PSD3: variants seen among roughly 807,000 people sequenced by gnomAD.
The protein encoded by PSD3 is pleckstrin and Sec7 domain containing 3.
In PSD3, 49 loss-of-function variants were observed where a neutral mutation model predicts 105.5. That is an observed-to-expected ratio of 0.46 (90% confidence interval 0.37 to 0.59). The LOEUF (loss-of-function observed/expected upper bound fraction) is 0.59, where lower values mean the gene tolerates loss of function less well. Among genes scored for constraint, PSD3 ranks in the 20% least tolerant of loss-of-function variants. The pLI, the probability that PSD3 is intolerant of heterozygous loss-of-function variation, is 0.00. For synonymous variants in PSD3, 557 were observed against 457.8 expected (o/e 1.22, Z -2.77); for missense variants, 1,561 against 1,263.8 (o/e 1.24, Z -3.57).
chr8:18,838,847 T>G (rs1296687334), intron 4 of PSD3, among the ~76,000 whole-genome samples: 1 of 146,256 alleles, frequency 6.8e-6, no homozygotes, highest in Non-Finnish European at 1.5e-5. Flanking sequence ...ATAATAATAA[T>G]AATGTTCAAG....
intron 14 of PSD3, among the ~76,000 whole-genome samples, chr8:18,561,701 T>A (rs1683159947): frequency 6.6e-6 from 1 of 152,108 alleles, no homozygotes. Context: ...GTTAAAAAAA[T>A]ATTTAATTTT....
intron 9 of PSD3, among the ~76,000 whole-genome samples, chr8:18,741,910 C>A (rs1157297433): frequency 6.7e-6 from 1 of 149,584 alleles, no homozygotes; most frequent in African/African-American, 2.5e-5. Flanking sequence ...AAAAGTACAA[C>A]TGAAATGAGA....
At chr8:18,944,840 T>C (rs1352592860) in intron 1 of PSD3, among the ~76,000 whole-genome samples, 2 of 152,236 alleles carry the variant, frequency 1.3e-5, no homozygotes, top group Non-Finnish European at 2.9e-5. Context: ...TCTGTGTCTT[T>C]TGACCTGTCC....
intron 9 of PSD3, among the ~76,000 whole-genome samples, chr8:18,738,822 C>T (rs4515594): frequency 0.62 from 92,346 of 149,832 alleles, 33,212 homozygotes; most frequent in Non-Finnish European, 0.81. Context: ...ACACCCGCTC[C>T]GAAAAAAAAA....
At chr8:18,732,440 T>C (rs1184714824) in intron 9 of PSD3, among the ~76,000 whole-genome samples, 1 of 152,218 alleles carries the variant, frequency 6.6e-6, no homozygotes, top group Non-Finnish European at 1.5e-5. Context: ...TCTGCACAAG[T>C]GCAGTCTGGG....
At chr8:18,641,376 T>C (rs77233779) in intron 10 of PSD3, among the ~76,000 whole-genome samples, 208 of 152,232 alleles carry the variant, frequency 1.4e-3, no homozygotes, top group African/African-American at 4.4e-3. Flanking sequence ...CCTGATATCA[T>C]GATGATTAAG....
At chr8:18,709,889 A>G (rs1018633047) in intron 9 of PSD3, among the ~76,000 whole-genome samples, 1 of 152,236 alleles carries the variant, frequency 6.6e-6, no homozygotes, top group African/African-American at 2.4e-5. Context: ...ATTAGAAAGA[A>G]TCAAAGAAAA....
At chr8:18,721,312 C>T (rs1279130948) in intron 9 of PSD3, 1 of 69,910 alleles carries the variant, frequency 1.4e-5, no homozygotes, top group African/African-American at 2.9e-5. Flanking sequence ...GGGGAAGGCA[C>T]CCAGGGGTGC....
chr8:18,582,707 C>T (rs369532648), intron 12 of PSD3, among the ~76,000 whole-genome samples: 17 of 151,934 alleles, frequency 1.1e-4, no homozygotes, highest in African/African-American at 3.4e-4. Context: ...CCAAGTAGAG[C>T]TATGTTTCCC....
At chr8:18,843,325 T>A (rs1178227451) in intron 4 of PSD3, among the ~76,000 whole-genome samples, 1 of 128,794 alleles carries the variant, frequency 7.8e-6, no homozygotes, top group Non-Finnish European at 1.6e-5. Flanking sequence ...CGCACGAGAC[T>A]CCGTCTCAAA....
Position 18,607,127 on chromosome 8 carries a change from T to G in PSD3, c.2411-6693A>C, listed in dbSNP as rs183724995. On this transcript the variant is annotated intron_variant, in intron 11 of 15. Coordinates refer to ENST00000327040, the MANE Select transcript of PSD3 (RefSeq NM_015310.4). ...TGGGCACTGAAGGCAGGAAGAGAGA[T>G]GATGAGATAAGAGGGAAATATAACC... Among the ~76,000 whole-genome samples, 115 of 152,240 alleles carry G rather than the reference T, an allele frequency of 7.6e-4. 1 individual carries two copies. The highest frequency in any genetic ancestry group is 2.6e-3 in the African/African-American group (108 of 41,532).
chr8:18,943,674 C>G (rs1032121009), intron 1 of PSD3, among the ~76,000 whole-genome samples: 3 of 152,044 alleles, frequency 2.0e-5, no homozygotes, highest in Non-Finnish European at 2.9e-5. Flanking sequence ...ATCCCTGCCT[C>G]CACTACACTG....
intron 4 of PSD3, among the ~76,000 whole-genome samples, chr8:18,847,037 G>C (rs548710636): frequency 1.9e-4 from 29 of 152,204 alleles, no homozygotes; most frequent in African/African-American, 6.7e-4. Flanking sequence ...CCCATGTCCT[G>C]GATAAGCAAG....
At chr8:18,663,726 G>A (rs752985659) in intron 9 of PSD3, among the ~76,000 whole-genome samples, 1 of 152,192 alleles carries the variant, frequency 6.6e-6, no homozygotes, top group Non-Finnish European at 1.5e-5. Context: ...TTGCTGCTAA[G>A]TTCTTTGTAG....
At chr8:19,083,786 T>A (rs910683097) in intron 1 of PSD3, among the ~76,000 whole-genome samples, 6 of 152,188 alleles carry the variant, frequency 3.9e-5, no homozygotes, top group African/African-American at 1.4e-4. Context: ...CATCCCCTCA[T>A]CTGAAACTGG....
At chr8:18,935,695 C>CAAA (rs10628497) in intron 2 of PSD3, among the ~76,000 whole-genome samples, 5,386 of 136,868 alleles carry the variant, frequency 0.039, 154 homozygotes, top group Admixed American at 0.061. Flanking sequence ...GACTTTGTCT[C>CAAA]AAAAAAAAAA....
chr8:18,729,360 C>T (rs192449990), intron 9 of PSD3, among the ~76,000 whole-genome samples: 1 of 152,276 alleles, frequency 6.6e-6, no homozygotes, highest in Non-Finnish European at 1.5e-5. Context: ...CTCCTTTAAC[C>T]CACAGCAGTG....
intron 1 of PSD3, among the ~76,000 whole-genome samples, chr8:19,006,048 A>T (rs935875075): frequency 2.0e-5 from 3 of 151,736 alleles, no homozygotes; most frequent in African/African-American, 7.3e-5. Context: ...GGCTCCCAGC[A>T]CTCTGGGAGG....
At position 18,857,491 on chromosome 8, in the gene PSD3, C is replaced by G. The variant is rs1419645058; in HGVS notation, c.1634+10183G>C. 2.0e-5 allele frequency among the ~76,000 whole-genome samples: 3 copies of G among 152,180 alleles called. No individual in the cohort carries two copies. The East Asian group carries it at 5.8e-4, about 29-fold the overall frequency. On this transcript the variant is annotated intron_variant, in intron 4 of 15. Coordinates refer to ENST00000327040, the MANE Select transcript of PSD3 (RefSeq NM_015310.4). ...TCACCGGGGAAGCTTTTAAAGCTAT[C>G]CATGTCCAGGTGCCACTCTAACAAA...
Sources: allele counts gnomAD v4.1 joint callset (sites outside exome capture counted in the v4.1 genomes callset), GRCh38; gene constraint gnomAD v4.1.1; transcripts MANE v1.5; gene names NCBI Gene and HGNC (gene_info 2026-07-23, HGNC 2026-07-21).